The following ANK3 variants were observed in gnomAD, a reference collection of about 807,000 sequenced individuals.
ANK3 encodes ankyrin-3.
Under a neutral mutation model 370.9 loss-of-function variants are expected in ANK3, and 57 were observed. The observed-to-expected ratio is 0.15, with a 90% confidence interval of 0.12 to 0.19. ANK3 has a LOEUF of 0.19. ANK3 is among the 10% of genes least tolerant of loss of function. The pLI is 1.00. For synonymous variants in ANK3, 1,929 were observed against 1,946.3 expected (o/e 0.99, Z 0.23); for missense variants, 4,439 against 5,302.1 (o/e 0.84, Z 5.06).
chr10:60,097,571 A>G (rs1297932315), intron 28 of ANK3, among the ~76,000 whole-genome samples: 1 of 152,246 alleles, frequency 6.6e-6, no homozygotes, highest in Non-Finnish European at 1.5e-5. Context: ...AATGCTTTGC[A>G]AATATAAATG....
intron 2 of ANK3, among the ~76,000 whole-genome samples, chr10:60,599,807 A>G (rs2078035776): frequency 2.0e-5 from 3 of 152,136 alleles, no homozygotes; most frequent in Admixed American, 1.3e-4. Flanking sequence ...TTCATATAAA[A>G]TTCAACTTTG....
rs1421145020 is a variant in ANK3, at chr10:60,076,768, GA to G, written c.4433-321del. ...AACATGAGGAAAGAATTAATGATGA[GA>G]AAAATAACCATAATGGAAAACTGTT... On this transcript the variant is annotated intron_variant, in intron 36 of 43. Transcript: ENST00000280772. Among the ~76,000 whole-genome samples the G allele has an allele frequency of 5.3e-5, 8 of 152,160 alleles. No homozygotes were observed. In the East Asian group the frequency reaches 1.5e-3, roughly 29 times the overall value.
At chr10:60,608,292 T>C (rs1160609721) in intron 2 of ANK3, among the ~76,000 whole-genome samples, 3 of 152,180 alleles carry the variant, frequency 2.0e-5, no homozygotes, top group African/African-American at 7.2e-5. Context: ...AGACTGGCCA[T>C]AAGCTCAAAA....
intron 25 of ANK3, among the ~76,000 whole-genome samples, chr10:60,116,726 T>C (rs970690067): frequency 2.6e-5 from 4 of 151,338 alleles, no homozygotes; most frequent in Admixed American, 6.6e-5. Context: ...AAAAGATAAG[T>C]TCAGGAGGTT....
chr10:60,383,641 G>T (rs1237883142), intron 1 of ANK3, among the ~76,000 whole-genome samples: 1 of 152,014 alleles, frequency 6.6e-6, no homozygotes, highest in African/African-American at 2.4e-5. Context: ...CATAATTATG[G>T]TACAGAATAT....
intron 7 of ANK3, among the ~76,000 whole-genome samples, chr10:60,254,304 GA>G (rs2097706689): frequency 6.6e-6 from 1 of 151,710 alleles, no homozygotes; most frequent in Admixed American, 6.6e-5. Context: ...TAAGAATGTG[GA>G]GAGCCGTTAG....
rs1024345987 is a variant in ANK3 at position 60,171,503 on chromosome 10, CA to C, written c.2478+804del. ...AGAAAAGGGGACAGAGCTGATAATT[CA>C]AAATGTTCCAGAGTCCTATATTTAC... is the stretch of plus-strand genomic sequence containing the variant. On this transcript the variant is annotated intron_variant, in intron 21 of 43. Transcript: ENST00000280772. Among the ~76,000 whole-genome samples the C allele has an allele frequency of 1.1e-4, 16 of 152,248 alleles. 1 individual carries two copies. In the East Asian group the frequency reaches 2.9e-3, roughly 28 times the overall value.
intron 8 of ANK3, among the ~76,000 whole-genome samples, chr10:60,231,532 G>C (rs1211429749): frequency 6.6e-6 from 1 of 152,146 alleles, no homozygotes; most frequent in Non-Finnish European, 1.5e-5. Context: ...GGGGCTACCG[G>C]ACTGGGTAGT....
At chr10:60,619,708 G>A (rs926475988) in intron 1 of ANK3, among the ~76,000 whole-genome samples, 4 of 152,168 alleles carry the variant, frequency 2.6e-5, no homozygotes, top group Non-Finnish European at 4.4e-5. Context: ...GCAAAGAAAT[G>A]AGCGAATTGC....
intron 42 of ANK3, chr10:60,051,572 C>T (rs1331888089): frequency 6.1e-6 from 6 of 981,324 alleles, no homozygotes; most frequent in Non-Finnish European, 7.3e-6. Context: ...CTGACAAATG[C>T]ATTTTTAGTA....
Position 60,311,946 on chromosome 10 carries a change from C to T in ANK3, c.115-32307G>A, listed in dbSNP as rs753925162. ...GGTTCATAGTTTGTTTCCTACTTGC[C>T]TCCAGCCCTGTAGAATTTTAGTTCT... is the stretch of plus-strand genomic sequence containing the variant. On this transcript the variant is annotated intron_variant, in intron 1 of 43. Transcript: ENST00000280772. 4.8e-4 allele frequency among the ~76,000 whole-genome samples: 73 copies of T among 152,142 alleles called. 1 individual carries two copies. Among genetic ancestry groups the T allele is most frequent in the Non-Finnish European group, 4.4e-5 (3 of 68,028 alleles).
At chr10:60,162,271 C>G (rs1165584831) in intron 23 of ANK3, among the ~76,000 whole-genome samples, 2 of 152,154 alleles carry the variant, frequency 1.3e-5, no homozygotes, top group Non-Finnish European at 2.9e-5. Context: ...TGTGTTCCTT[C>G]TCTACTCCCA....
intron 25 of ANK3, 56 bp from the exon 26 acceptor site, chr10:60,114,387 C>A: frequency 5.7e-6 from 5 of 881,562 alleles, no homozygotes; most frequent in Admixed American, 2.2e-5. Context: ...AGACTGATTT[C>A]TCTACACATA....
chr10:60,134,208 G>A (rs1399522586), intron 25 of ANK3, 63 bp downstream of exon 25: 2 of 1,325,628 alleles, frequency 1.5e-6, no homozygotes, highest in African/African-American at 1.5e-5. Context: ...AAGACAGAGA[G>A]CTTGATTAAA....
chr10:60,678,044 T>C (rs983876560), intron 1 of ANK3, among the ~76,000 whole-genome samples: 5 of 152,156 alleles, frequency 3.3e-5, no homozygotes, highest in African/African-American at 1.2e-4. Flanking sequence ...GATTTTACCC[T>C]CACAGATGGA....
intron 1 of ANK3, among the ~76,000 whole-genome samples, chr10:60,718,805 G>A (rs1353837796): frequency 1.3e-5 from 2 of 152,074 alleles, no homozygotes; most frequent in African/African-American, 2.4e-5. Context: ...ATGTGAATAA[G>A]AAGCACTCGT....
chr10:60,148,024 G>T lies in ANK3; in HGVS notation c.2615-8937C>A, dbSNP rs7071161. ...TAAATTAAGAAGGCCAAAGAAGCGT[G>T]TTCTCATTTTAAGGGATGCATGTGC... On this transcript the variant is annotated intron_variant, in intron 23 of 43. Transcript: ENST00000280772. 2.2e-3 allele frequency among the ~76,000 whole-genome samples: 328 copies of T among 152,298 alleles called. 3 individuals carry two copies. The highest frequency in any genetic ancestry group is 7.3e-3 in the African/African-American group (305 of 41,566).
chr10:60,176,204 A>C (rs1003912109), intron 18 of ANK3, among the ~76,000 whole-genome samples: 2 of 150,924 alleles, frequency 1.3e-5, no homozygotes, highest in African/African-American at 2.4e-5. Context: ...AACAAAAAAA[A>C]ACAAAAAACA....
At chr10:60,106,963 C>A (rs1346847278) in intron 27 of ANK3, among the ~76,000 whole-genome samples, 1 of 151,962 alleles carries the variant, frequency 6.6e-6, no homozygotes. Flanking sequence ...TATGGAACCC[C>A]ATTTCTTAAC....
Sources: gnomAD v4.1 joint callset for allele counts (sites outside exome capture counted in the v4.1 genomes callset) on GRCh38, gnomAD v4.1.1 for gene constraint, MANE v1.5 for transcripts, NCBI Gene and HGNC (gene_info 2026-07-23, HGNC 2026-07-21) for gene names.